The following IL34 variants were observed in gnomAD, a reference collection of about 807,000 sequenced individuals.
The protein encoded by IL34 is interleukin-34.
Under a neutral mutation model 25.3 loss-of-function variants are expected in IL34, and 17 were observed. The observed-to-expected ratio is 0.67, with a 90% confidence interval of 0.46 to 1.01. The LOEUF (loss-of-function observed/expected upper bound fraction) is 1.01, where lower values mean the gene tolerates loss of function less well. Ranked by LOEUF, IL34 falls within the 50% of genes least tolerant of loss-of-function variation. IL34 has a pLI of 0.00. For missense variants in IL34, 368 were observed against 312.9 expected (o/e 1.18, Z -1.33); for synonymous variants, 174 against 140.9 (o/e 1.23, Z -1.66).
Position 70,621,780 on chromosome 16 carries a change from G to C in IL34, c.-400-24768G>C, listed in dbSNP as rs548874703. Among the ~76,000 whole-genome samples the C allele has an allele frequency of 5.9e-5, 9 of 152,240 alleles. No individual in the cohort carries two copies. The South Asian group carries it at 1.7e-3, about 28-fold the overall frequency. On this transcript the variant is annotated intron_variant, in intron 1 of 6. Coordinates refer to the IL34 transcript ENST00000429149. Reference sequence around the variant, plus strand: ...TAGGTAAAGGAAAATTACAGTCAAAGAGGGTTTGTTCTCTGGCGGGCAGGA... The same window carrying C: ...TAGGTAAAGGAAAATTACAGTCAAACAGGGTTTGTTCTCTGGCGGGCAGGA...
chr16:70,617,176 T>C (rs1288967191), intron 1 of IL34, among the ~76,000 whole-genome samples: 5 of 152,258 alleles, frequency 3.3e-5, no homozygotes. Flanking sequence ...TATGATTTTG[T>C]ATGAATTGAA....
chr16:70,642,675 A>G (rs2051814447), upstream of IL34, among the ~76,000 whole-genome samples: 1 of 152,156 alleles, frequency 6.6e-6, no homozygotes, highest in African/African-American at 2.4e-5. Context: ...ATTATCTCCC[A>G]AGGCCTCATC....
At chr16:70,622,668 T>C (rs1389619419) in intron 1 of IL34, among the ~76,000 whole-genome samples, 3 of 151,750 alleles carry the variant, frequency 2.0e-5, no homozygotes, top group Admixed American at 6.6e-5. Flanking sequence ...TCAGGAATAA[T>C]GTGGGGGGCC....
At chr16:70,582,893 A>AT (rs2050650500) in intron 1 of IL34, among the ~76,000 whole-genome samples, 1 of 152,166 alleles carries the variant, frequency 6.6e-6, no homozygotes, top group Non-Finnish European at 1.5e-5. Context: ...ATGAGGAACA[A>AT]TTGATTAGGC....
At chr16:70,596,443 C>A (rs540974982) in intron 1 of IL34, among the ~76,000 whole-genome samples, 2 of 152,186 alleles carry the variant, frequency 1.3e-5, no homozygotes, top group African/African-American at 2.4e-5. Context: ...AGCCAGGGAG[C>A]GTGAGTTGCT....
intron 1 of IL34, among the ~76,000 whole-genome samples, chr16:70,629,524 A>G (rs917992839): frequency 6.6e-6 from 1 of 152,186 alleles, no homozygotes; most frequent in African/African-American, 2.4e-5. Flanking sequence ...ATTTGCATAT[A>G]ACCTACTTAC....
intron 1 of IL34, among the ~76,000 whole-genome samples, chr16:70,602,960 T>G (rs1185193597): frequency 1.3e-5 from 2 of 152,036 alleles, no homozygotes; most frequent in African/African-American, 4.8e-5. Flanking sequence ...CCCCCAAACA[T>G]CCCTGAAATG....
At chr16:70,647,689 CTG>C (rs761394572) in intron 1 of IL34, among the ~76,000 whole-genome samples, 41 of 152,286 alleles carry the variant, frequency 2.7e-4, no homozygotes, top group East Asian at 7.8e-4. Flanking sequence ...TCTCGTGCCT[CTG>C]TCTCCAACGC....
chr16:70,606,725 C>T (rs970448048), intron 1 of IL34, among the ~76,000 whole-genome samples: 2 of 152,044 alleles, frequency 1.3e-5, no homozygotes, highest in Non-Finnish European at 2.9e-5. Flanking sequence ...GTAGCTGTAA[C>T]CACAAGTATG....
At chr16:70,653,325 C>T (rs8054087) in intron 1 of IL34, among the ~76,000 whole-genome samples, 3,089 of 133,126 alleles carry the variant, frequency 0.023, 113 homozygotes, top group African/African-American at 0.086. Context: ...CAAGCCTGGG[C>T]AACATAGCAA....
chr16:70,651,690 A>G (rs2052082392), intron 1 of IL34, among the ~76,000 whole-genome samples: 1 of 151,952 alleles, frequency 6.6e-6, no homozygotes, highest in Non-Finnish European at 1.5e-5. Flanking sequence ...AGTGGGGAAA[A>G]TCCAATCAGT....
chr16:70,598,670 C>T (rs1213401614), intron 1 of IL34, among the ~76,000 whole-genome samples: 3 of 152,126 alleles, frequency 2.0e-5, no homozygotes, highest in South Asian at 2.1e-4. Flanking sequence ...ACCCAGGACA[C>T]GGAGGCTCCA....
At chr16:70,639,631 C>CTGGAG (rs35752828) in intron 1 of IL34, among the ~76,000 whole-genome samples, 14 of 151,668 alleles carry the variant, frequency 9.2e-5, no homozygotes, top group Non-Finnish European at 1.6e-4. Flanking sequence ...TTGAGCTTGA[C>CTGGAG]CCTGTTCCCA....
chr16:70,625,349 G>C (rs1459440618), intron 1 of IL34, among the ~76,000 whole-genome samples: 1 of 152,070 alleles, frequency 6.6e-6, no homozygotes, highest in Non-Finnish European at 1.5e-5. Context: ...TCGGGGCATG[G>C]AAATAAGGGA....
intron 1 of IL34, among the ~76,000 whole-genome samples, chr16:70,619,845 C>A (rs912308612): frequency 6.6e-6 from 1 of 152,134 alleles, no homozygotes; most frequent in South Asian, 2.1e-4. Context: ...CAGTGGGGTC[C>A]CACACAGATG....
chr16:70,606,689 T>C (rs1276878398), intron 1 of IL34, among the ~76,000 whole-genome samples: 2 of 152,080 alleles, frequency 1.3e-5, no homozygotes, highest in African/African-American at 4.8e-5. Flanking sequence ...CTGGGCTTAA[T>C]TGATCCTTCC....
intron 1 of IL34, among the ~76,000 whole-genome samples, chr16:70,623,973 C>A (rs1358524476): frequency 6.9e-6 from 1 of 145,096 alleles, no homozygotes; most frequent in Non-Finnish European, 1.5e-5. Flanking sequence ...GACGGACTTA[C>A]CTTCCACTGT....
chr16:70,636,423 G>T (rs952426954), intron 1 of IL34, among the ~76,000 whole-genome samples: 1 of 152,100 alleles, frequency 6.6e-6, no homozygotes, highest in African/African-American at 2.4e-5. Flanking sequence ...AGGAAACTTT[G>T]TATCACTAGC....
intron 2 of IL34, among the ~76,000 whole-genome samples, chr16:70,655,019 CT>C (rs902929691): frequency 9.9e-5 from 15 of 151,878 alleles, no homozygotes; most frequent in Non-Finnish European, 2.1e-4. Flanking sequence ...ATATTTGGTT[CT>C]TTTTGCAGAG....
Sources: gnomAD v4.1 joint callset for allele counts (sites outside exome capture counted in the v4.1 genomes callset) on GRCh38, gnomAD v4.1.1 for gene constraint, MANE v1.5 for transcripts, NCBI Gene and HGNC (gene_info 2026-07-23, HGNC 2026-07-21) for gene names.